FHL5: variants seen among roughly 807,000 people sequenced by gnomAD.
The protein encoded by FHL5 is four and a half LIM domains 5, also known as four and a half LIM domains protein 5.
Under a neutral mutation model 32.0 loss-of-function variants are expected in FHL5, and 33 were observed. The observed-to-expected ratio is 1.03, with a 90% CI of 0.78 to 1.38. The LOEUF is 1.38. FHL5 is among the 40% of genes most tolerant of loss of function. The pLI is 0.00. For missense variants in FHL5, 336 were observed against 343.9 expected, an observed-to-expected ratio of 0.98 and a Z score of 0.18; for synonymous variants, 114 against 113.6, an observed-to-expected ratio of 1.00 and a Z score of -0.02.
At chr6:96,575,036 C>A (rs1357425795) in intron 1 of FHL5, among the ~76,000 whole-genome samples, 2 of 152,130 alleles carry the variant, frequency 1.3e-5, no homozygotes, top group African/African-American at 4.8e-5. Context: ...AGGTAGTTGG[C>A]ATATTTATTG....
rs1771534905 is a variant in FHL5 at position 96,616,944 on chromosome 6, C to T, written c.*1172C>T. On this transcript the variant is annotated 3_prime_UTR_variant, in exon 6 of 6. Transcript: ENST00000450218. ...CACACCTGTGCCACACCCCCCTTAC[C>T]CCAAGCCAGTTGTGCCCCCAGTTTC... is the stretch of plus-strand genomic sequence containing the variant. Among the ~76,000 whole-genome samples the T allele has an allele frequency of 6.6e-6, 1 of 152,092 alleles. No individual in the cohort carries two copies. The highest frequency in any genetic ancestry group is 2.4e-5 in the African/African-American group (1 of 41,398).
chr6:96,593,503 T>A (rs1396850723), intron 1 of FHL5, among the ~76,000 whole-genome samples: 1 of 152,174 alleles, frequency 6.6e-6, no homozygotes, highest in Non-Finnish European at 1.5e-5. Context: ...ACTGAGGTAA[T>A]TCAAAGCTGG....
At position 96,614,537 on chromosome 6, in the gene FHL5, A is replaced by G. The variant is rs1430513561; in HGVS notation, c.692-1072A>G. ...TCCTATTTAAGAAGAATGTATCTGA[A>G]ATAGAATGCTATTCACCCTTTCACT... is the stretch of plus-strand genomic sequence containing the variant. On this transcript the variant is annotated intron_variant, in intron 5 of 5. Transcript: ENST00000450218. 2.0e-5 allele frequency among the ~76,000 whole-genome samples: 3 copies of G among 152,316 alleles called. No individual in the cohort carries two copies. In the South Asian group the frequency reaches 6.2e-4, roughly 32 times the overall value.
In FHL5 at chr6:96,616,672, T is replaced by A. The variant is rs1771528327; in HGVS notation, c.*900T>A. On this transcript the variant is annotated 3_prime_UTR_variant, in exon 6 of 6. Transcript: ENST00000450218. The stretch of plus-strand genomic sequence containing the variant: ...AATGAGTTTTAGGGAAGGGATTGAG[T>A]CTTGGAACATGACTTTCATCCAGAT... The A allele has an allele frequency of 6.6e-6, 1 of 152,110 alleles. No homozygotes were observed. Among genetic ancestry groups the A allele is most frequent in the Non-Finnish European group, 1.5e-5 (1 of 68,010 alleles). 9.4% of individuals were successfully genotyped at this position (152,110 alleles called of 1,614,324 possible). A position where few individuals can be genotyped will look rare whatever the true frequency, so the allele number is the denominator to read the frequency against.
intron 1 of FHL5, among the ~76,000 whole-genome samples, chr6:96,587,761 A>G (rs771989386): frequency 6.6e-6 from 1 of 152,254 alleles, no homozygotes; most frequent in Non-Finnish European, 1.5e-5. Context: ...TTTTAAAAAT[A>G]AAAGCACATA....
chr6:96,567,401 T>C (rs1156929425), intron 1 of FHL5, among the ~76,000 whole-genome samples: 1 of 151,970 alleles, frequency 6.6e-6, no homozygotes, highest in Non-Finnish European at 1.5e-5. Flanking sequence ...TTTTGAAATA[T>C]ATTTTGAAGT....
intron 1 of FHL5, among the ~76,000 whole-genome samples, chr6:96,575,270 A>G (rs1283363365): frequency 1.3e-5 from 2 of 152,224 alleles, no homozygotes; most frequent in African/African-American, 2.4e-5. Flanking sequence ...ATTTGTTTAG[A>G]TTGGAAAGTT....
chr6:96,581,555 T>C (rs1297131969), intron 1 of FHL5, among the ~76,000 whole-genome samples: 2 of 152,182 alleles, frequency 1.3e-5, no homozygotes, highest in Admixed American at 1.3e-4. Context: ...CTCAGGAGAC[T>C]TAGTTTCTGC....
At chr6:96,596,710 C>T (rs1446657238) in intron 1 of FHL5, among the ~76,000 whole-genome samples, 2 of 152,088 alleles carry the variant, frequency 1.3e-5, no homozygotes, top group Non-Finnish European at 2.9e-5. Flanking sequence ...CCAATTAGCT[C>T]ATCCAGGAAA....
chr6:96,567,973 C>T (rs1052546967), intron 1 of FHL5, among the ~76,000 whole-genome samples: 2 of 151,480 alleles, frequency 1.3e-5, no homozygotes, highest in African/African-American at 4.8e-5. Context: ...TTTAGATGCT[C>T]CTTATCTCTT....
intron 1 of FHL5, among the ~76,000 whole-genome samples, chr6:96,566,146 T>G (rs189730484): frequency 3.9e-5 from 6 of 152,146 alleles, no homozygotes; most frequent in African/African-American, 1.4e-4. Flanking sequence ...TTTGGCTATC[T>G]CTTTCTTCCC....
Position 96,610,877 on chromosome 6 carries a change from T to C in FHL5, c.691+119T>C, listed in dbSNP as rs1165728449. 3 of 711,610 alleles carry C rather than the reference T, an allele frequency of 4.2e-6. No homozygotes were observed. The African/African-American group carries it at 5.3e-5, about 13-fold the overall frequency. The allele number at this position is 711,610 out of a possible 1,614,324, so 44.1% of individuals were successfully genotyped here. On this transcript the variant is annotated intron_variant, in intron 5 of 5. Coordinates refer to ENST00000450218, the MANE Select transcript of FHL5 (RefSeq NM_001322466.2). ...GGAAGCTTTCCTTTATATTTCCTTT[T>C]GAGATAAACACAAGTGGGTGCATAT... is the stretch of plus-strand genomic sequence containing the variant.
intron 1 of FHL5, among the ~76,000 whole-genome samples, chr6:96,566,881 A>G (rs1445429172): frequency 6.6e-6 from 1 of 151,864 alleles, no homozygotes; most frequent in Non-Finnish European, 1.5e-5. Context: ...TATATTATGA[A>G]TATTAAACTC....
At chr6:96,609,273 C>T (rs2127974589) in intron 4 of FHL5, among the ~76,000 whole-genome samples, 1 of 152,170 alleles carries the variant, frequency 6.6e-6, no homozygotes, top group East Asian at 1.9e-4. Context: ...GTTTTTACTA[C>T]CTAGTTAATT....
chr6:96,594,115 T>A (rs890855038), intron 1 of FHL5, among the ~76,000 whole-genome samples: 1 of 150,798 alleles, frequency 6.6e-6, no homozygotes, highest in Non-Finnish European at 1.5e-5. Context: ...CACAGGGACT[T>A]TATTATACTT....
chr6:96,601,684 A>G (rs1173839100), intron 1 of FHL5, among the ~76,000 whole-genome samples: 2 of 152,258 alleles, frequency 1.3e-5, no homozygotes, highest in East Asian at 3.8e-4. Context: ...ATACACATCT[A>G]AAACTAAAAT....
intron 5 of FHL5, among the ~76,000 whole-genome samples, chr6:96,615,029 GTTAT>G (rs3842090): frequency 0.37 from 56,692 of 151,822 alleles, 10,971 homozygotes; most frequent in African/African-American, 0.48. Context: ...CCTCTATTTG[GTTAT>G]GCTTTCTAGA....
chr6:96,586,772 G>C (rs1014799352), intron 1 of FHL5, among the ~76,000 whole-genome samples: 2 of 152,042 alleles, frequency 1.3e-5, no homozygotes, highest in Admixed American at 6.6e-5. Context: ...ATCTCAATTG[G>C]TTCAGCTTAC....
Position 96,589,607 on chromosome 6 carries a change from T to C in FHL5, c.-12-13995T>C, listed in dbSNP as rs115918652. Among the ~76,000 whole-genome samples the C allele has an allele frequency of 1.7e-3, 263 of 152,196 alleles. 1 individual carries two copies. The highest frequency in any genetic ancestry group is 5.6e-3 in the African/African-American group (234 of 41,570). On this transcript the variant is annotated intron_variant, in intron 1 of 5. Coordinates refer to ENST00000450218, the MANE Select transcript of FHL5 (RefSeq NM_001322466.2). ...ATGACTTCTTTGTTAATTAATGAAT[T>C]GCAATACATTCTTTGGCTCTCTCTT...
Sources: gnomAD v4.1 joint callset for allele counts (sites outside exome capture counted in the v4.1 genomes callset) on GRCh38, gnomAD v4.1.1 for gene constraint, MANE v1.5 for transcripts, NCBI Gene and HGNC (gene_info 2026-07-23, HGNC 2026-07-21) for gene names.